The following MCF2 variants were observed in gnomAD, a reference collection of about 807,000 sequenced individuals.
MCF2 encodes MCF.2 cell line derived transforming sequence.
MCF2 carries 44 observed loss-of-function variants against 82.5 expected under a neutral mutation model. That is an observed-to-expected ratio of 0.53 (90% CI 0.42 to 0.69). The LOEUF is 0.69. Among genes scored for constraint, MCF2 ranks in the 30% least tolerant of loss-of-function variants. MCF2 has a pLI of 0.00. For synonymous variants in MCF2, 217 were observed against 224.9 expected (o/e 0.96, Z 0.32); for missense variants, 623 against 663.1 (o/e 0.94, Z 0.66).
chrX:139,616,742 C>T (rs1360892583), intron 8 of MCF2, among the ~76,000 whole-genome samples: 1 of 111,365 alleles, frequency 9.0e-6, no homozygotes, highest in Non-Finnish European at 1.9e-5. Flanking sequence ...ATTTATTTCA[C>T]AACAACTAAT....
chrX:139,596,135 G>C (rs1425369374), intron 19 of MCF2, among the ~76,000 whole-genome samples: 1 of 110,916 alleles, frequency 9.0e-6, no homozygotes. Context: ...AAATTGCATT[G>C]AGGAAAAGGA....
intron 19 of MCF2, among the ~76,000 whole-genome samples, chrX:139,591,669 G>C (rs772540940): frequency 9.1e-6 from 1 of 110,246 alleles, no homozygotes; most frequent in Non-Finnish European, 1.9e-5. Flanking sequence ...GTATGGTGCA[G>C]TCAAAACAAG....
At chrX:139,620,027 GTATA>G (rs1556030374) in intron 6 of MCF2, among the ~76,000 whole-genome samples, 2 of 100,385 alleles carry the variant, frequency 2.0e-5, no homozygotes, top group African/African-American at 8.1e-5. Flanking sequence ...GTGTGTGTGT[GTATA>G]TATATATAGC....
At chrX:139,662,400 A>C (rs971673905) in intron 1 of MCF2, among the ~76,000 whole-genome samples, 1 of 111,062 alleles carries the variant, frequency 9.0e-6, no homozygotes, top group Non-Finnish European at 1.9e-5. Flanking sequence ...CAAATTAACC[A>C]AAACAGTCTC....
chrX:139,656,939 G>A (rs939254748), intron 1 of MCF2, among the ~76,000 whole-genome samples: 2 of 112,063 alleles, frequency 1.8e-5, no homozygotes, highest in Non-Finnish European at 1.9e-5. Context: ...TAGGAAGGTT[G>A]TCAAGCTGTC....
intron 23 of MCF2, among the ~76,000 whole-genome samples, chrX:139,586,091 C>G (rs773523484): frequency 9.0e-6 from 1 of 111,180 alleles, no homozygotes; most frequent in Non-Finnish European, 1.9e-5. Flanking sequence ...GGCCTTGTTC[C>G]CAGAGTTTCT....
chrX:139,688,374 G>A (rs1750000042), intron 1 of MCF2, among the ~76,000 whole-genome samples: 2 of 111,813 alleles, frequency 1.8e-5, no homozygotes, highest in Non-Finnish European at 3.8e-5. Context: ...AGGGGAAAAA[G>A]TCAGGCACTA....
rs754508503 is a variant in MCF2 at position 139,626,694 on chromosome X, G to A, written c.501C>T (p.Asp167=). ...GTCTTGAACTGACAGCTCCTTCAGT[G>A]TCAGGCACTTCCAGATTTGTTAGCA... The change falls in exon 5 of 25, where the codon GAC becomes GAT. Residue 167 remains aspartate, a synonymous_variant. Transcript: ENST00000370576. 5.8e-6 allele frequency: 7 copies of A among 1,205,000 alleles called. No homozygotes were observed. In the African/African-American group the frequency reaches 7.0e-5, roughly 12 times the overall value.
Position 139,626,615 on chromosome X carries a change from G to A in MCF2, c.572+8C>T. Reference sequence around the variant, plus strand: ...TAAGTAACTCTAAACCAAAAAGAGAGTACTCACTTATTAATAGTTTGCCAG... The same window carrying A: ...TAAGTAACTCTAAACCAAAAAGAGAATACTCACTTATTAATAGTTTGCCAG... On this transcript the variant is annotated splice_region_variant and intron_variant, in intron 5 of 24. Coordinates refer to ENST00000370576, the Ensembl canonical transcript of MCF2. 8.3e-7 allele frequency: 1 copy of A among 1,201,280 alleles called. No individual in the cohort carries two copies. Among genetic ancestry groups the A allele is most frequent in the Non-Finnish European group, 1.1e-6 (1 of 888,361 alleles).
chrX:139,648,290 T>G (rs1933872195), intron 2 of MCF2, among the ~76,000 whole-genome samples: 1 of 110,480 alleles, frequency 9.1e-6, no homozygotes, highest in Non-Finnish European at 1.9e-5. Context: ...GAGAATCGCT[T>G]GAACCTGGGA....
rs1444761425 is a variant in MCF2 at position 139,604,640 on chromosome X, T to C, written c.1743+41A>G. 3.5e-6 allele frequency: 3 copies of C among 854,650 alleles called. No homozygotes were observed. In the African/African-American group the frequency reaches 6.2e-5, roughly 18 times the overall value. The allele number at this position is 854,650 out of a possible 1,213,427, so 70.4% of individuals were successfully genotyped here. A position where few individuals can be genotyped will look rare whatever the true frequency, so the allele number is the denominator to read the frequency against. On this transcript the variant is annotated intron_variant, in intron 15 of 24. Coordinates refer to ENST00000370576, the Ensembl canonical transcript of MCF2. ...TCTTATAAGTGAGTTGCTATTTTGG[T>C]GGTGCATATTTATATATATTTAAAA...
At chrX:139,587,335 C>G (rs757105590) in intron 22 of MCF2, among the ~76,000 whole-genome samples, 3 of 110,627 alleles carry the variant, frequency 2.7e-5, no homozygotes, top group African/African-American at 6.6e-5. Flanking sequence ...AAACTGTGAG[C>G]CAGTCCTTCA....
chrX:139,673,634 G>C (rs1468852650), intron 1 of MCF2, among the ~76,000 whole-genome samples: 1 of 112,163 alleles, frequency 8.9e-6, no homozygotes, highest in East Asian at 2.8e-4. Flanking sequence ...TTTTGAGTGA[G>C]TTTCTTAATC....
upstream of MCF2, among the ~76,000 whole-genome samples, chrX:139,644,283 T>G (rs979987927): frequency 1.2e-4 from 13 of 112,368 alleles, 1 homozygote; most frequent in South Asian, 1.1e-3. Context: ...TGAGCTTGGA[T>G]TCATCACATA....
In MCF2 at chrX:139,685,807, T is replaced by C. The variant is rs570582063; in HGVS notation, c.-45+22299A>G. Among the ~76,000 whole-genome samples the C allele has an allele frequency of 2.5e-4, 28 of 111,071 alleles. No individual in the cohort carries two copies. In the South Asian group the frequency reaches 9.2e-3, roughly 37 times the overall value. ...AAACCAAAACCTGACAGAGACACAA[T>C]TCTAAAACTTCAGGGCAATATTATT... is the stretch of plus-strand genomic sequence containing the variant. On this transcript the variant is annotated intron_variant, in intron 1 of 27. Transcript: ENST00000414978.
chrX:139,636,448 C>T lies in MCF2; in HGVS notation c.52-3994G>A, dbSNP rs1318294616. Reference sequence around the variant, plus strand: ...TCTGGTTTCATCTTTCTCTCTCTGACTTCCCTTAATCTCATATTCTCTTGT... The same window carrying T: ...TCTGGTTTCATCTTTCTCTCTCTGATTTCCCTTAATCTCATATTCTCTTGT... On this transcript the variant is annotated intron_variant, in intron 1 of 24. Coordinates refer to ENST00000370576, the Ensembl canonical transcript of MCF2. Among the ~76,000 whole-genome samples the T allele has an allele frequency of 2.7e-5, 3 of 111,978 alleles. No individual in the cohort carries two copies. In the East Asian group the frequency reaches 8.4e-4, roughly 31 times the overall value.
intron 1 of MCF2, among the ~76,000 whole-genome samples, chrX:139,703,824 G>T (rs1054190661): frequency 4.5e-5 from 5 of 111,133 alleles, no homozygotes; most frequent in African/African-American, 1.6e-4. Context: ...AGAAGAAATA[G>T]AAAAAAAATT....
intron 1 of MCF2, among the ~76,000 whole-genome samples, chrX:139,701,503 G>C (rs1184370399): frequency 1.8e-5 from 2 of 112,102 alleles, no homozygotes; most frequent in Non-Finnish European, 3.8e-5. Context: ...TGAAGGAGAA[G>C]AAATTCTGCC....
chrX:139,644,759 G>C (rs866565727), upstream of MCF2, among the ~76,000 whole-genome samples: 1 of 111,818 alleles, frequency 8.9e-6, no homozygotes, highest in Non-Finnish European at 1.9e-5. Flanking sequence ...ATTTCAGATG[G>C]CTGGCAATGT....
Sources: allele counts gnomAD v4.1 joint callset (sites outside exome capture counted in the v4.1 genomes callset), GRCh38; gene constraint gnomAD v4.1.1; transcripts MANE v1.5; gene names NCBI Gene and HGNC (gene_info 2026-07-23, HGNC 2026-07-21).